Variants in SOX5 observed in about 807,000 individuals in gnomAD.
The protein encoded by SOX5 is SRY-box transcription factor 5, also known as transcription factor SOX-5.
In SOX5, 9 loss-of-function variants were observed where a neutral mutation model predicts 92.0. The ratio of observed to expected loss-of-function variants is 0.10; its 90% CI spans 0.06 to 0.17. The LOEUF is 0.17. Among genes scored for constraint, SOX5 ranks in the 10% least tolerant of loss-of-function variants. SOX5 has a pLI of 1.00. For synonymous variants in SOX5, 344 were observed against 336.3 expected (o/e 1.02, Z -0.25); for missense variants, 642 against 944.5 (o/e 0.68, Z 4.20).
chr12:23,761,067 G>T (rs747912468), intron 3 of SOX5, among the ~76,000 whole-genome samples: 8 of 152,108 alleles, frequency 5.3e-5, no homozygotes, highest in Non-Finnish European at 1.2e-4. Context: ...ACATGTGATA[G>T]TGTACACATT....
intron 13 of SOX5, among the ~76,000 whole-genome samples, chr12:23,540,457 C>T (rs1941756946): frequency 6.6e-6 from 1 of 151,514 alleles, no homozygotes; most frequent in African/African-American, 2.4e-5. Flanking sequence ...GAGGAAGTTT[C>T]AATCAAAAGT....
At chr12:24,387,019 G>A (rs73289767) in intron 1 of SOX5, among the ~76,000 whole-genome samples, 2,532 of 152,182 alleles carry the variant, frequency 0.017, 60 homozygotes, top group African/African-American at 0.057. Context: ...GAGCATCTTC[G>A]TTTCTGTATT....
chr12:24,550,900 G>A (rs1245295755), intron 1 of SOX5, among the ~76,000 whole-genome samples: 1 of 152,180 alleles, frequency 6.6e-6, no homozygotes. Flanking sequence ...TTGAATTACA[G>A]CCATTTTTCT....
chr12:23,758,850 C>T (rs753126792), intron 3 of SOX5, among the ~76,000 whole-genome samples: 13 of 152,034 alleles, frequency 8.6e-5, no homozygotes, highest in Non-Finnish European at 1.8e-4. Context: ...GTGTGCACTC[C>T]CTTATTCTTC....
intron 4 of SOX5, among the ~76,000 whole-genome samples, chr12:24,201,451 G>T (rs1334555392): frequency 2.6e-5 from 4 of 152,034 alleles, no homozygotes; most frequent in Non-Finnish European, 4.4e-5. Flanking sequence ...GAATACCCTG[G>T]TCTACAGTGC....
chr12:23,779,812 T>TACACAC (rs1381686254), intron 3 of SOX5, among the ~76,000 whole-genome samples: 86 of 74,580 alleles, frequency 1.2e-3, no homozygotes, highest in Admixed American at 2.1e-3. Context: ...TATATATATA[T>TACACAC]ATACACACAC....
intron 9 of SOX5, among the ~76,000 whole-genome samples, chr12:23,589,915 C>T (rs1163527468): frequency 6.6e-6 from 1 of 151,952 alleles, no homozygotes; most frequent in African/African-American, 2.4e-5. Flanking sequence ...TCCCTACCCT[C>T]ATGGGACTGA....
At chr12:24,395,652 G>T (rs1017433232) in intron 1 of SOX5, among the ~76,000 whole-genome samples, 2 of 152,184 alleles carry the variant, frequency 1.3e-5, no homozygotes, top group Non-Finnish European at 2.9e-5. Context: ...CTCATGGAAA[G>T]AAACCATCAA....
At chr12:23,631,222 G>A (rs755443197) in intron 8 of SOX5, among the ~76,000 whole-genome samples, 8 of 151,954 alleles carry the variant, frequency 5.3e-5, no homozygotes, top group Admixed American at 1.3e-4. Context: ...GTCCTATTAA[G>A]GTGATAACTC....
intron 3 of SOX5, among the ~76,000 whole-genome samples, chr12:23,810,746 C>T (rs2095862301): frequency 6.6e-6 from 1 of 152,090 alleles, no homozygotes; most frequent in East Asian, 1.9e-4. Flanking sequence ...AATGTATCTC[C>T]TTCCCTTTTT....
At chr12:23,907,292 C>T (rs114444586) in intron 1 of SOX5, among the ~76,000 whole-genome samples, 32 of 152,204 alleles carry the variant, frequency 2.1e-4, no homozygotes, top group African/African-American at 7.5e-4. Flanking sequence ...AGAAACTTTA[C>T]TATCTAATGA....
At chr12:24,117,641 T>G (rs773643374) in intron 4 of SOX5, among the ~76,000 whole-genome samples, 1 of 152,182 alleles carries the variant, frequency 6.6e-6, no homozygotes, top group Non-Finnish European at 1.5e-5. Flanking sequence ...AGCGTTAGAA[T>G]AGAAGGAAAT....
chr12:23,613,938 T>C (rs1030763962), intron 8 of SOX5, among the ~76,000 whole-genome samples: 3 of 152,134 alleles, frequency 2.0e-5, no homozygotes, highest in Non-Finnish European at 4.4e-5. Flanking sequence ...CAGGTTTGAA[T>C]TTAGAATTCT....
intron 5 of SOX5, among the ~76,000 whole-genome samples, chr12:23,735,727 C>T (rs2093565864): frequency 6.6e-6 from 1 of 152,186 alleles, no homozygotes; most frequent in Non-Finnish European, 1.5e-5. Context: ...TTTAGCCTCC[C>T]ATATAGTCAT....
At chr12:24,532,996 T>C (rs1257454291) in intron 1 of SOX5, among the ~76,000 whole-genome samples, 1 of 152,250 alleles carries the variant, frequency 6.6e-6, no homozygotes, top group Non-Finnish European at 1.5e-5. Context: ...GTACCAACTA[T>C]TTCCATTATA....
At chr12:24,351,929 T>G (rs1954136631) in intron 2 of SOX5, among the ~76,000 whole-genome samples, 1 of 152,244 alleles carries the variant, frequency 6.6e-6, no homozygotes, top group African/African-American at 2.4e-5. Flanking sequence ...GTCTTGAATA[T>G]AATAGTTACC....
At chr12:24,113,936 G>C (rs1156334396) in intron 4 of SOX5, among the ~76,000 whole-genome samples, 1 of 152,176 alleles carries the variant, frequency 6.6e-6, no homozygotes, top group African/African-American at 2.4e-5. Flanking sequence ...CATGTTGCCT[G>C]GAATTCAGTA....
At chr12:24,304,364 G>A (rs1948334164) in intron 2 of SOX5, among the ~76,000 whole-genome samples, 1 of 152,190 alleles carries the variant, frequency 6.6e-6, no homozygotes, top group Non-Finnish European at 1.5e-5. Context: ...AAAGGACCAT[G>A]AATGCAATCC....
At chr12:24,289,813 A>C (rs1230990343) in intron 2 of SOX5, among the ~76,000 whole-genome samples, 2 of 152,244 alleles carry the variant, frequency 1.3e-5, no homozygotes, top group African/African-American at 4.8e-5. Context: ...GTAGAGCAAA[A>C]GGCAGGTTTG....
Sources: gnomAD v4.1 joint callset for allele counts (sites outside exome capture counted in the v4.1 genomes callset) on GRCh38, gnomAD v4.1.1 for gene constraint, MANE v1.5 for transcripts, NCBI Gene and HGNC (gene_info 2026-07-23, HGNC 2026-07-21) for gene names.